The following PPP2R3B variants were observed in gnomAD, a reference collection of about 807,000 sequenced individuals.
The protein encoded by PPP2R3B is protein phosphatase 2 regulatory subunit B''beta, also known as serine/threonine-protein phosphatase 2A regulatory subunit B'' subunit beta.
In PPP2R3B, 68 loss-of-function variants were observed where a neutral mutation model predicts 72.9. The observed-to-expected ratio is 0.93, with a 90% CI of 0.77 to 1.14. The LOEUF (loss-of-function observed/expected upper bound fraction) is 1.14. Among genes scored for constraint, PPP2R3B ranks in the 50% most tolerant of loss-of-function variants. The probability of loss-of-function intolerance (pLI) is 0.00; values close to 1 mark genes in which losing one functional copy is unlikely to be tolerated. For synonymous variants in PPP2R3B, 466 were observed against 375.8 expected, an observed-to-expected ratio of 1.24 and a Z score of -2.78; for missense variants, 1,018 against 842.0, an observed-to-expected ratio of 1.21 and a Z score of -2.59.
At chrX:385,462 G>A (rs965463496) in intron 1 of PPP2R3B, among the ~76,000 whole-genome samples, 4 of 151,208 alleles carry the variant, frequency 2.6e-5, no homozygotes, top group East Asian at 1.9e-4. Context: ...ATTAGCCAGA[G>A]GCTGCGCTTC....
intron 12 of PPP2R3B, chrX:334,804 C>T (rs2070845063): frequency 5.4e-6 from 2 of 372,374 alleles, no homozygotes; most frequent in Non-Finnish European, 4.8e-6. Context: ...CGCCTCTTCC[C>T]CAAAGCGAGC....
intron 10 of PPP2R3B, among the ~76,000 whole-genome samples, chrX:340,472 A>T (rs148977719): frequency 9.3e-4 from 47 of 50,616 alleles, no homozygotes; most frequent in East Asian, 1.8e-3. Flanking sequence ...CTGTCCCCTC[A>T]CCCTGGGCCG....
At chrX:384,512 C>T (rs2072202225) in intron 1 of PPP2R3B, among the ~76,000 whole-genome samples, 1 of 152,048 alleles carries the variant, frequency 6.6e-6, no homozygotes, top group African/African-American at 2.4e-5. Context: ...CCAGGCTGGT[C>T]TCGAACTCCT....
At chrX:367,273 CAT>C (rs887012271) in intron 1 of PPP2R3B, among the ~76,000 whole-genome samples, 1 of 151,482 alleles carries the variant, frequency 6.6e-6, no homozygotes, top group African/African-American at 2.4e-5. Context: ...ATTTAAAAAA[CAT>C]AAATCAGTGA....
intron 2 of PPP2R3B, among the ~76,000 whole-genome samples, chrX:354,555 A>G (rs1603075273): frequency 6.6e-6 from 1 of 152,238 alleles, no homozygotes; most frequent in Non-Finnish European, 1.5e-5. Flanking sequence ...TAATTTTAAA[A>G]AGTAAACTGA....
At chrX:346,071 G>GGGTGGGAGGGGAGGAGGGA in intron 6 of PPP2R3B, 103 bp downstream of exon 6, 1 of 545,548 alleles carries the variant, frequency 1.8e-6, no homozygotes, top group South Asian at 1.9e-5. Context: ...GTGGGAGAGG[G>GGGTGGGAGGGGAGGAGGGA]GGTGGGAGGG....
chrX:357,104 C>G (rs1452047644), intron 2 of PPP2R3B, among the ~76,000 whole-genome samples: 1 of 152,142 alleles, frequency 6.6e-6, no homozygotes, highest in African/African-American at 2.4e-5. Context: ...CAAAATGCTC[C>G]AAGAGTCCTC....
rs768665505 is a variant in PPP2R3B, at chrX:337,425, C to T, written c.1577+1179G>A. ...TGTTTTCATACAAAGGCAAAGAAAC[C>T]AGAATAGCCAACGTAGCGCGGGACA... is the stretch of plus-strand genomic sequence containing the variant. On this transcript the variant is annotated intron_variant, in intron 12 of 12. Coordinates refer to ENST00000390665, the MANE Select transcript of PPP2R3B (RefSeq NM_013239.5). 3 of 152,184 alleles carry T rather than the reference C, an allele frequency of 2.0e-5. No homozygotes were observed. In the East Asian group the frequency reaches 5.8e-4, roughly 29 times the overall value. 9.4% of individuals were successfully genotyped at this position (152,184 alleles called of 1,614,324 possible).
At chrX:382,611 C>A (rs973639033) in intron 1 of PPP2R3B, among the ~76,000 whole-genome samples, 1 of 152,186 alleles carries the variant, frequency 6.6e-6, no homozygotes, top group Non-Finnish European at 1.5e-5. Context: ...GAAATGATGT[C>A]TCCCTGCTTT....
chrX:384,443 C>G (rs147277308), intron 1 of PPP2R3B, among the ~76,000 whole-genome samples: 1 of 151,682 alleles, frequency 6.6e-6, no homozygotes, highest in Non-Finnish European at 1.5e-5. Flanking sequence ...ACTTCAGGTG[C>G]GCCACCACGC....
chrX:350,022 G>A (rs2071295261), intron 2 of PPP2R3B, among the ~76,000 whole-genome samples: 2 of 152,182 alleles, frequency 1.3e-5, no homozygotes, highest in Non-Finnish European at 2.9e-5. Flanking sequence ...ACAGGCTCAT[G>A]TGAAAACTTA....
At position 356,784 on chromosome X, in the gene PPP2R3B, T is replaced by C. The variant is rs1356913052; in HGVS notation, c.510+4621A>G. 5.0e-5 allele frequency among the ~76,000 whole-genome samples: 5 copies of C among 99,584 alleles called. 1 individual carries two copies. Among genetic ancestry groups the C allele is most frequent in the Non-Finnish European group, 1.0e-4 (5 of 48,790 alleles). 65.3% of individuals were successfully genotyped at this position (99,584 alleles called of 152,430 possible). On this transcript the variant is annotated intron_variant, in intron 2 of 12. Transcript: ENST00000390665. ...AACTGCCCATACGGCCAGGGACACA[T>C]AGTGAGCCCCACAGTATCCACACCC...
chrX:385,378 G>A (rs1418852033), intron 1 of PPP2R3B, among the ~76,000 whole-genome samples: 1 of 139,346 alleles, frequency 7.2e-6, no homozygotes, highest in African/African-American at 2.7e-5. Flanking sequence ...GCCCAGGCTG[G>A]AGTGCAGCCT....
chrX:346,088 G>A, intron 6 of PPP2R3B, 86 bp downstream of exon 6: 7 of 622,542 alleles, frequency 1.1e-5, no homozygotes, highest in African/African-American at 4.1e-5. Context: ...AGGGGAGGAG[G>A]GAGGGGGGAG....
intron 5 of PPP2R3B, 53 bp downstream of exon 5, chrX:346,648 A>G: frequency 5.2e-6 from 8 of 1,536,658 alleles, no homozygotes; most frequent in Non-Finnish European, 6.2e-6. Flanking sequence ...CGGCCGCTGC[A>G]GAAACACCCG....
In PPP2R3B at chrX:374,232, C is replaced by G. The variant is rs181700712; in HGVS notation, c.324+12136G>C. Among the ~76,000 whole-genome samples the G allele has an allele frequency of 1.7e-3, 254 of 152,306 alleles. 1 individual carries two copies. The highest frequency in any genetic ancestry group is 5.9e-3 in the African/African-American group (245 of 41,586). ...CCCCGCGAGAAGTGAGGTCCCCCCC[C>G]TCCACGACAACACCAGAGCTGGCTG... is the stretch of plus-strand genomic sequence containing the variant. On this transcript the variant is annotated intron_variant, in intron 1 of 12. Transcript: ENST00000390665.
At chrX:339,045 C>T (rs1046093986) in intron 10 of PPP2R3B, 149 bp from the exon 11 acceptor site, 3 of 734,054 alleles carry the variant, frequency 4.1e-6, no homozygotes, top group African/African-American at 3.5e-5. Context: ...GAAAGGCGGA[C>T]ACGCGAGTGT....
intron 2 of PPP2R3B, among the ~76,000 whole-genome samples, chrX:348,301 CGT>C (rs1422185271): frequency 2.9e-5 from 4 of 136,228 alleles, no homozygotes; most frequent in East Asian, 2.2e-4. Context: ...GCTGGCTGGG[CGT>C]GGTGGCTCAT....
chrX:343,903 A>G (rs367824303), intron 7 of PPP2R3B, among the ~76,000 whole-genome samples: 3 of 40,490 alleles, frequency 7.4e-5, no homozygotes, highest in African/African-American at 1.2e-4. Flanking sequence ...GGGAGACCTC[A>G]CCAAGGAGAG....
Sources: allele counts gnomAD v4.1 joint callset (sites outside exome capture counted in the v4.1 genomes callset), GRCh38; gene constraint gnomAD v4.1.1; transcripts MANE v1.5; gene names NCBI Gene and HGNC (gene_info 2026-07-23, HGNC 2026-07-21).